ATP11B: variants seen among roughly 807,000 people sequenced by gnomAD.
ATP11B encodes phospholipid-transporting ATPase IF.
Under a neutral mutation model 157.8 loss-of-function variants are expected in ATP11B, and 81 were observed. That is an observed-to-expected ratio of 0.51 (90% confidence interval 0.43 to 0.62). The LOEUF is 0.62. ATP11B is among the 20% of genes least tolerant of loss of function. The probability of loss-of-function intolerance (pLI) is 0.00; values close to 1 mark genes in which losing one functional copy is unlikely to be tolerated. For synonymous variants in ATP11B, 451 were observed against 469.4 expected (o/e 0.96, Z 0.51); for missense variants, 1,165 against 1,402.2 (o/e 0.83, Z 2.70).
At chr3:182,806,003 T>C (rs1216700555) in intron 1 of ATP11B, among the ~76,000 whole-genome samples, 1 of 152,214 alleles carries the variant, frequency 6.6e-6, no homozygotes, top group Non-Finnish European at 1.5e-5. Context: ...TATTGTTTCT[T>C]GCATACCACC....
chr3:182,798,306 T>G (rs1560050220), intron 1 of ATP11B, among the ~76,000 whole-genome samples: 1 of 152,212 alleles, frequency 6.6e-6, no homozygotes, highest in Non-Finnish European at 1.5e-5. Context: ...TGCCAAATGT[T>G]GGTTGAATAA....
At chr3:182,812,748 A>G (rs1365843559) in intron 1 of ATP11B, among the ~76,000 whole-genome samples, 2 of 152,220 alleles carry the variant, frequency 1.3e-5, no homozygotes, top group Non-Finnish European at 2.9e-5. Context: ...TACCATTTTA[A>G]CCATTTTTAA....
In ATP11B at chr3:182,837,106, A is replaced by G; in HGVS notation, c.588A>G (p.Gln196=). Residue 196 remains glutamine (Q), a synonymous_variant, in exon 7 of 30, where the codon CAA becomes CAG. Coordinates refer to ENST00000323116, the MANE Select transcript of ATP11B (RefSeq NM_014616.3). The part of the protein sequence containing the change: ...HVAVPETALL[Q]TVANLDTLVA... Reference sequence around the variant, plus strand: ...CAGTTCCAGAAACAGCATTATTACAAACAGTTGCCAATTTGGACACTCTAG... The same window carrying G: ...CAGTTCCAGAAACAGCATTATTACAGACAGTTGCCAATTTGGACACTCTAG... 1 of 1,613,480 alleles carries G rather than the reference A, an allele frequency of 6.2e-7. No homozygotes were observed. Among genetic ancestry groups the G allele is most frequent in the Non-Finnish European group, 8.5e-7 (1 of 1,179,614 alleles).
At chr3:182,898,472 A>T in intron 27 of ATP11B, 135 bp from the exon 28 acceptor site, 1 of 573,696 alleles carries the variant, frequency 1.7e-6, no homozygotes. Flanking sequence ...AGTTCAGTTA[A>T]TTAAATTATA....
intron 4 of ATP11B, among the ~76,000 whole-genome samples, chr3:182,831,791 A>G (rs916257310): frequency 1.2e-4 from 18 of 151,850 alleles, no homozygotes; most frequent in East Asian, 1.2e-3. Flanking sequence ...TTTTTCCTTC[A>G]TATCATTTAT....
At chr3:182,885,334 G>A (rs1170956045) in intron 22 of ATP11B, among the ~76,000 whole-genome samples, 1 of 152,020 alleles carries the variant, frequency 6.6e-6, no homozygotes, top group Non-Finnish European at 1.5e-5. Flanking sequence ...GGGTCCTTTG[G>A]TACAAGGTGG....
chr3:182,887,565 C>A (rs1722879779), intron 23 of ATP11B, 21 bp from the exon 24 acceptor site: 3 of 1,597,576 alleles, frequency 1.9e-6, no homozygotes, highest in Non-Finnish European at 2.6e-6. Context: ...ACTCAACATT[C>A]CTACCAATTT....
Position 182,913,898 on chromosome 3 carries a change from C to A in ATP11B, c.3356C>A (p.Ser1119Tyr). 1 of 1,614,134 alleles carries A rather than the reference C, an allele frequency of 6.2e-7. No homozygotes were observed. Among genetic ancestry groups the A allele is most frequent in the Non-Finnish European group, 8.5e-7 (1 of 1,179,972 alleles). Reference protein sequence around the residue: ...ETNAGIKCLDSMCCFPEGEAA... With the variant: ...ETNAGIKCLDYMCCFPEGEAA... ...AATGCAGGTATCAAGTGCTTGGACT[C>A]CATGTGCTGTTTCCCGGAAGGAGAA... is the stretch of plus-strand genomic sequence containing the variant. The change falls in exon 29 of 30, where the codon TCC becomes TAC. Residue 1119 changes from serine to tyrosine, a missense_variant. Physicochemically the swap from Ser to Tyr is moderately radical, Grantham distance 144 (BLOSUM62 -2). Transcript: ENST00000323116.
chr3:182,907,273 A>G (rs970608229), intron 28 of ATP11B, among the ~76,000 whole-genome samples: 2 of 152,160 alleles, frequency 1.3e-5, no homozygotes, highest in Admixed American at 6.5e-5. Context: ...ACTAATTGCT[A>G]TTTTATTTAT....
At chr3:182,873,787 A>T in intron 18 of ATP11B, 25 bp from the exon 19 acceptor site, 1 of 1,576,836 alleles carries the variant, frequency 6.3e-7, no homozygotes. Context: ...ATTCTCTACT[A>T]CTAATTTGTT....
chr3:182,914,012 GTAGCCT>G lies in ATP11B; in HGVS notation c.3452+20_3452+25del. On this transcript the variant is annotated intron_variant, in intron 29 of 29. Coordinates refer to ENST00000323116, the MANE Select transcript of ATP11B (RefSeq NM_014616.3). The stretch of plus-strand genomic sequence containing the variant: ...ATCAGCAGGTGTGAAATCTCTCTAA[GTAGCCT>G]TTGCTGCAGATGAGTATCCTATCTG... The G allele has an allele frequency of 6.2e-7, 1 of 1,613,474 alleles. No homozygotes were observed. Among genetic ancestry groups the G allele is most frequent in the Non-Finnish European group, 8.5e-7 (1 of 1,179,648 alleles).
At chr3:182,907,615 A>G (rs1007820921) in intron 28 of ATP11B, among the ~76,000 whole-genome samples, 3 of 152,224 alleles carry the variant, frequency 2.0e-5, no homozygotes, top group South Asian at 4.1e-4. Context: ...GCCTTGCTAT[A>G]GAAAGATGTT....
At chr3:182,858,700 A>G (rs1042223645) in intron 11 of ATP11B, among the ~76,000 whole-genome samples, 1 of 152,210 alleles carries the variant, frequency 6.6e-6, no homozygotes, top group Admixed American at 6.5e-5. Flanking sequence ...GGCTATTCCT[A>G]TATAATCTGC....
chr3:182,917,395 A>G (rs1204227090), intron 29 of ATP11B: 2 of 985,168 alleles, frequency 2.0e-6, no homozygotes, highest in Non-Finnish European at 2.4e-6. Context: ...CACATAAAGT[A>G]TTATGTAATG....
intron 1 of ATP11B, among the ~76,000 whole-genome samples, chr3:182,800,436 C>T: frequency 6.6e-6 from 1 of 151,800 alleles, no homozygotes; most frequent in Admixed American, 6.6e-5. Flanking sequence ...CTATGTTTCC[C>T]AGGCTGGTCT....
At chr3:182,889,697 T>A in intron 25 of ATP11B, 149 bp downstream of exon 25, 1 of 709,792 alleles carries the variant, frequency 1.4e-6, no homozygotes. Context: ...GGTTAAATAA[T>A]AAAGTTTCAT....
rs575850054 is a variant in ATP11B, at chr3:182,847,364, G to A, written c.770-1112G>A. Among the ~76,000 whole-genome samples, 70 of 152,156 alleles carry A rather than the reference G, an allele frequency of 4.6e-4. 1 individual carries two copies. Among genetic ancestry groups the A allele is most frequent in the African/African-American group, 1.4e-3 (59 of 41,484 alleles). On this transcript the variant is annotated intron_variant, in intron 9 of 29. Transcript: ENST00000323116. ...AACACATCTTTCTAGTAGTAACTTCGTCACTCCTGTTTACTTTAAAGTAAA... is the reference window on the plus strand; with the variant it reads ...AACACATCTTTCTAGTAGTAACTTCATCACTCCTGTTTACTTTAAAGTAAA...
chr3:182,891,369 A>G (rs1723164411), intron 25 of ATP11B, among the ~76,000 whole-genome samples: 1 of 152,206 alleles, frequency 6.6e-6, no homozygotes, highest in African/African-American at 2.4e-5. Flanking sequence ...AAGTATAAAG[A>G]AAATAAATCA....
intron 28 of ATP11B, chr3:182,906,028 C>T (rs2108588957): frequency 2.9e-6 from 1 of 343,854 alleles, no homozygotes. Flanking sequence ...CTAATTCCTT[C>T]ACTGTTCCTC....
Sources: allele counts gnomAD v4.1 joint callset (sites outside exome capture counted in the v4.1 genomes callset), GRCh38; gene constraint gnomAD v4.1.1; transcripts MANE v1.5; gene names NCBI Gene and HGNC (gene_info 2026-07-23, HGNC 2026-07-21).